ATP1A2: variants seen among roughly 807,000 people sequenced by gnomAD.
ATP1A2 encodes ATPase Na+/K+ transporting subunit alpha 2.
ATP1A2 carries 56 observed loss-of-function variants against 113.1 expected under a neutral mutation model. That is an observed-to-expected ratio of 0.49 (90% CI 0.40 to 0.62). The LOEUF (loss-of-function observed/expected upper bound fraction) is 0.62, where lower values mean the gene tolerates loss of function less well. Ranked by LOEUF, ATP1A2 falls within the 20% of genes least tolerant of loss-of-function variation. ATP1A2 has a pLI of 0.00. For missense variants in ATP1A2, 712 were observed against 1,357.8 expected (o/e 0.52, Z 7.47); for synonymous variants, 490 against 526.8 (o/e 0.93, Z 0.96).
At chr1:160,119,572 T>C (rs1221969362) in intron 1 of ATP1A2, among the ~76,000 whole-genome samples, 3 of 152,064 alleles carry the variant, frequency 2.0e-5, no homozygotes, top group Non-Finnish European at 2.9e-5. Context: ...TCCTATTCTA[T>C]CACCCCAAGA....
chr1:160,135,025 A>G lies in ATP1A2; in HGVS notation c.1965-120A>G. 11 of 1,322,652 alleles carry G rather than the reference A, an allele frequency of 8.3e-6. No homozygotes were observed. The South Asian group carries it at 1.4e-4, about 16-fold the overall frequency. 81.9% of individuals were successfully genotyped at this position (1,322,652 alleles called of 1,614,324 possible). ...GTACTGAGGAGAGGAGAACTGAAGC[A>G]ACAGGGGAAGCAGGCTCAGCAGGGA... On this transcript the variant is annotated intron_variant, in intron 14 of 22. Transcript: ENST00000361216. This position sits in a 1 kb window ranked among gnomAD's most constrained non-coding sequence, Gnocchi z 6.3.
rs1025176144 is a variant in ATP1A2, at chr1:160,140,524, G to T, written c.3034+540G>T. 11 of 172,984 alleles carry T rather than the reference G, an allele frequency of 6.4e-5. No homozygotes were observed. The South Asian group carries it at 6.8e-4, about 11-fold the overall frequency. The allele number at this position is 172,984 out of a possible 1,614,324, so 10.7% of individuals were successfully genotyped here. On this transcript the variant is annotated intron_variant, in intron 22 of 22. Transcript: ENST00000361216. ...ACCTGTGCCATATTTTGTGTGTGTGGGGGGAGGAGGGTGGATTAATTGGTC... is the reference window on the plus strand; with the variant it reads ...ACCTGTGCCATATTTTGTGTGTGTGTGGGGAGGAGGGTGGATTAATTGGTC...
chr1:160,130,039 T>C, intron 11 of ATP1A2, 63 bp from the exon 12 acceptor site: 1 of 1,602,048 alleles, frequency 6.2e-7, no homozygotes, highest in South Asian at 1.1e-5. Flanking sequence ...TACCAGCTGC[T>C]GCTCTATGCC....
chr1:160,142,337 A>G lies in ATP1A2; in HGVS notation c.*1015A>G, dbSNP rs771621465. 6.6e-6 allele frequency: 1 copy of G among 152,180 alleles called. No homozygotes were observed. The highest frequency in any genetic ancestry group is 1.9e-4 in the East Asian group (1 of 5,186). The allele number at this position is 152,180 out of a possible 1,614,324, so 9.4% of individuals were successfully genotyped here. The stretch of plus-strand genomic sequence containing the variant: ...TTCATGCCCATCCCGATGAACCTGC[A>G]TCATTCCCCGACACTGCCAAGCCAA... On this transcript the variant is annotated 3_prime_UTR_variant, in exon 23 of 23. Transcript: ENST00000361216.
chr1:160,117,293 G>T (rs1257140640), intron 1 of ATP1A2, among the ~76,000 whole-genome samples: 1 of 152,144 alleles, frequency 6.6e-6, no homozygotes, highest in Non-Finnish European at 1.5e-5. Flanking sequence ...AGAAGAGGCA[G>T]GGGTTAAAGG....
intron 7 of ATP1A2, among the ~76,000 whole-genome samples, chr1:160,126,042 C>T (rs909057678): frequency 1.3e-5 from 2 of 152,166 alleles, no homozygotes; most frequent in African/African-American, 4.8e-5. Context: ...CCAATCCACA[C>T]TTCCCCTGTC....
rs1404762288 is a variant in ATP1A2 at position 160,122,473 on chromosome 1, A to G, written c.178-740A>G. Among the ~76,000 whole-genome samples the G allele has an allele frequency of 5.3e-5, 8 of 152,014 alleles. No individual in the cohort carries two copies. In the East Asian group the frequency reaches 1.5e-3, roughly 29 times the overall value. ...GCTTTAAAGGAGCTCAAAGTCTAGT[A>G]GCAGAAAAAATGCAATCCTAGGATT... is the stretch of plus-strand genomic sequence containing the variant. On this transcript the variant is annotated intron_variant, in intron 3 of 22. Transcript: ENST00000361216.
intron 20 of ATP1A2, 21 bp downstream of exon 20, chr1:160,137,052 C>T: frequency 6.2e-7 from 1 of 1,613,754 alleles, no homozygotes; most frequent in Non-Finnish European, 8.5e-7. Flanking sequence ...ACCCCCATGG[C>T]ACCTACCCAC....
At chr1:160,122,372 C>T (rs1351056842) in intron 3 of ATP1A2, among the ~76,000 whole-genome samples, 1 of 138,096 alleles carries the variant, frequency 7.2e-6, no homozygotes, top group Non-Finnish European at 1.5e-5. Context: ...CGCAGAGTGA[C>T]AATTGTGCCT....
chr1:160,124,573 T>G, intron 6 of ATP1A2, 143 bp downstream of exon 6: 1 of 1,304,068 alleles, frequency 7.7e-7, no homozygotes. Flanking sequence ...AAACCTTCTC[T>G]CAGTGTGGGG....
In ATP1A2 at chr1:160,128,737, C is replaced by T. The variant is rs746383817; in HGVS notation, c.1103C>T (p.Thr368Met). 3.7e-6 allele frequency: 6 copies of T among 1,614,168 alleles called. No individual in the cohort carries two copies. Among genetic ancestry groups the T allele is most frequent in the East Asian group, 2.2e-5 (1 of 44,880 alleles). Residue 368 changes from threonine to methionine, a missense_variant, in exon 9 of 23, where the codon ACG (threonine) becomes ATG (methionine). Coordinates refer to ENST00000361216, the MANE Select transcript of ATP1A2 (RefSeq NM_000702.4). ...NLEAVETLGS[T>M]STICSDKTGT... Reference sequence around the variant, plus strand: ...GAGGCGGTGGAGACGCTGGGCTCCACGTCCACCATCTGCTCGGACAAGACG... The same window carrying T: ...GAGGCGGTGGAGACGCTGGGCTCCATGTCCACCATCTGCTCGGACAAGACG...
chr1:160,131,024 C>T (rs1466979156), intron 13 of ATP1A2, among the ~76,000 whole-genome samples: 4 of 152,186 alleles, frequency 2.6e-5, no homozygotes, highest in Admixed American at 2.0e-4. Context: ...GCCTCCCACT[C>T]AAGGTTCTCT....
chr1:160,129,539 C>A (rs1212136474), intron 11 of ATP1A2, 139 bp downstream of exon 11: 4 of 1,321,476 alleles, frequency 3.0e-6, no homozygotes, highest in Non-Finnish European at 4.3e-6. Context: ...TCCCCCAGGA[C>A]AGCTCATATG....
At chr1:160,115,912 G>A in intron 1 of ATP1A2, 39 bp downstream of exon 1, 1 of 1,596,482 alleles carries the variant, frequency 6.3e-7, no homozygotes, top group Non-Finnish European at 8.5e-7. Flanking sequence ...AGTCTAGAGG[G>A]TGAGGGAGGC....
intron 1 of ATP1A2, among the ~76,000 whole-genome samples, chr1:160,116,227 T>C (rs772103108): frequency 6.6e-6 from 1 of 152,116 alleles, no homozygotes; most frequent in Non-Finnish European, 1.5e-5. Context: ...TGAAAGGATG[T>C]TTGGCACTGT....
Position 160,135,622 on chromosome 1 carries a change from TGG to T in ATP1A2, c.2284+22_2284+23del, listed in dbSNP as rs758678287. On this transcript the variant is annotated intron_variant, in intron 16 of 22. Transcript: ENST00000361216. The surrounding 1 kb of genome is among the most constrained non-coding windows in gnomAD (Gnocchi z 6.3). The stretch of plus-strand genomic sequence containing the variant: ...AGGAGGGTGAGGAGGCTGCATGGGT[TGG>T]GATGGTTTGCAGGATACTGAAGCCG... 1.5e-5 allele frequency: 24 copies of T among 1,613,032 alleles called. No homozygotes were observed. Among genetic ancestry groups the T allele is most frequent in the Non-Finnish European group, 2.0e-5 (24 of 1,179,986 alleles).
At chr1:160,125,550 C>T (rs868283625) in intron 7 of ATP1A2, 2 of 418,712 alleles carry the variant, frequency 4.8e-6, no homozygotes, top group Non-Finnish European at 9.0e-6. Flanking sequence ...CTTACGCATG[C>T]GCACACACAG....
rs769948591 is a variant in ATP1A2 at position 160,124,275 on chromosome 1, G to A, written c.496-21G>A. ...AGGGGCAGAGACAAGCATTTCATGAGCTGCCTGTGGCTCCCCACAGCAAGC... is the reference window on the plus strand; with the variant it reads ...AGGGGCAGAGACAAGCATTTCATGAACTGCCTGTGGCTCCCCACAGCAAGC... On this transcript the variant is annotated intron_variant, in intron 5 of 22. Transcript: ENST00000361216. 1.9e-6 allele frequency: 3 copies of A among 1,585,612 alleles called. No homozygotes were observed. The East Asian group carries it at 6.9e-5, about 36-fold the overall frequency.
At chr1:160,122,818 T>C (rs933735146) in intron 3 of ATP1A2, among the ~76,000 whole-genome samples, 5 of 151,852 alleles carry the variant, frequency 3.3e-5, no homozygotes, top group East Asian at 3.9e-4. Context: ...CAAGAATCCA[T>C]CTCTTAAAAA....
Sources: allele counts gnomAD v4.1 joint callset (sites outside exome capture counted in the v4.1 genomes callset), GRCh38; gene constraint gnomAD v4.1.1; non-coding constraint Gnocchi (gnomAD v3.1); transcripts MANE v1.5; gene names NCBI Gene and HGNC (gene_info 2026-07-23, HGNC 2026-07-21).